LRRK2: variants seen among roughly 807,000 people sequenced by gnomAD.
LRRK2 encodes leucine rich repeat kinase 2, also known as leucine-rich repeat serine/threonine-protein kinase 2.
A neutral mutation model predicts 302.6 loss-of-function variants in LRRK2; 203 were observed. The ratio of observed to expected loss-of-function variants is 0.67; its 90% confidence interval spans 0.60 to 0.75. LRRK2 has a LOEUF of 0.75. Ranked by LOEUF, LRRK2 falls within the 30% of genes least tolerant of loss-of-function variation. The pLI is 0.00. For synonymous variants in LRRK2, 1,066 were observed against 1,031.9 expected, an observed-to-expected ratio of 1.03 and a Z score of -0.63; for missense variants, 2,830 against 2,951.0, an observed-to-expected ratio of 0.96 and a Z score of 0.95.
chr12:40,295,698 T>G, intron 23 of LRRK2, 54 bp downstream of exon 23: 1 of 1,512,404 alleles, frequency 6.6e-7, no homozygotes, highest in Non-Finnish European at 9.1e-7. Flanking sequence ...CTTTTGTATT[T>G]ATATCTAATT....
chr12:40,301,211 A>C (rs1311612479), intron 25 of LRRK2: 1 of 416,808 alleles, frequency 2.4e-6, no homozygotes, highest in Admixed American at 2.8e-5. Context: ...GAGCAGGACC[A>C]CTAACCATTA....
chr12:40,235,861 T>A lies in LRRK2; in HGVS notation c.436+147T>A, dbSNP rs1592140416. 7 of 629,252 alleles carry A rather than the reference T, an allele frequency of 1.1e-5. No individual in the cohort carries two copies. The East Asian group carries it at 1.9e-4, about 17-fold the overall frequency. 39.0% of individuals were successfully genotyped at this position (629,252 alleles called of 1,614,324 possible). A position where few individuals can be genotyped will look rare whatever the true frequency, so the allele number is the denominator to read the frequency against. ...GATTTAAATGTCCTAAAATTGCATC[T>A]GTTTTTAGACCTAGTGATGGGACAG... is the stretch of plus-strand genomic sequence containing the variant. On this transcript the variant is annotated intron_variant, in intron 4 of 50. Transcript: ENST00000298910.
At chr12:40,249,246 T>C (rs1055799614) in intron 7 of LRRK2, among the ~76,000 whole-genome samples, 1 of 152,136 alleles carries the variant, frequency 6.6e-6, no homozygotes, top group African/African-American at 2.4e-5. Context: ...GGATATCATA[T>C]TAATTCTCAG....
chr12:40,275,636 G>A (rs1260257539), intron 16 of LRRK2, among the ~76,000 whole-genome samples: 1 of 149,460 alleles, frequency 6.7e-6, no homozygotes, highest in Non-Finnish European at 1.5e-5. Context: ...TTTGGAGACA[G>A]GGTCTCACTC....
At chr12:40,302,207 A>C (rs1944656426) in intron 25 of LRRK2, among the ~76,000 whole-genome samples, 1 of 151,988 alleles carries the variant, frequency 6.6e-6, no homozygotes, top group African/African-American at 2.4e-5. Context: ...AAAATAATAA[A>C]AAATAAAAAA....
chr12:40,302,126 T>C (rs61915564), intron 25 of LRRK2, among the ~76,000 whole-genome samples: 1 of 151,982 alleles, frequency 6.6e-6, no homozygotes, highest in African/African-American at 2.4e-5. Flanking sequence ...TGCATTGAGC[T>C]GAGATCACGC....
chr12:40,263,512 G>A (rs1214905163), intron 13 of LRRK2, among the ~76,000 whole-genome samples: 2 of 152,098 alleles, frequency 1.3e-5, no homozygotes, highest in East Asian at 1.9e-4. Context: ...AAAAGTGATT[G>A]TTTGCTACAG....
chr12:40,273,645 A>G (rs1370368805), intron 14 of LRRK2, among the ~76,000 whole-genome samples: 3 of 152,138 alleles, frequency 2.0e-5, no homozygotes, highest in Admixed American at 1.3e-4. Context: ...ACGTCTTTGG[A>G]GTGGAGGTAC....
chr12:40,340,523 C>G, intron 41 of LRRK2, 69 bp downstream of exon 41: 1 of 1,522,336 alleles, frequency 6.6e-7, no homozygotes, highest in Non-Finnish European at 9.1e-7. Context: ...GATGTGAGTT[C>G]AGAAGAGTCA....
chr12:40,277,371 A>C (rs1224988468), intron 16 of LRRK2, among the ~76,000 whole-genome samples: 1 of 152,048 alleles, frequency 6.6e-6, no homozygotes, highest in East Asian at 1.9e-4. Context: ...TCTCAACTAC[A>C]CTCAACATAA....
In LRRK2 at chr12:40,284,042, T is replaced by C; in HGVS notation, c.2409T>C (p.Ile803=). The C allele has an allele frequency of 6.2e-7, 1 of 1,613,822 alleles. No homozygotes were observed. Among genetic ancestry groups the C allele is most frequent in the Non-Finnish European group, 8.5e-7 (1 of 1,179,784 alleles). Residue 803 remains isoleucine, a synonymous_variant, in exon 19 of 51, where the codon ATT becomes ATC. Coordinates refer to ENST00000298910, the MANE Select transcript of LRRK2 (RefSeq NM_198578.4). ...CCCTGGATGTGGCCAACAATAGCAT[T>C]TGCCTTGGAGGATTTTGTATAGGAA... The part of the protein sequence containing the change: ...RLALDVANNS[I]CLGGFCIGKV...
intron 20 of LRRK2, among the ~76,000 whole-genome samples, chr12:40,289,082 G>A (rs1944042404): frequency 6.6e-6 from 1 of 151,764 alleles, no homozygotes; most frequent in African/African-American, 2.4e-5. Context: ...GTTGATTTTT[G>A]TGTGTGGTGT....
intron 28 of LRRK2, among the ~76,000 whole-genome samples, chr12:40,307,884 C>T (rs757811339): frequency 8.1e-5 from 12 of 147,948 alleles, no homozygotes; most frequent in African/African-American, 1.5e-4. Context: ...TGGCTTCAGG[C>T]GATTCTCCTG....
chr12:40,328,059 C>G (rs953268976), intron 38 of LRRK2, among the ~76,000 whole-genome samples: 1 of 152,038 alleles, frequency 6.6e-6, no homozygotes, highest in Non-Finnish European at 1.5e-5. Flanking sequence ...TAGGAGGTGG[C>G]TATAAGTGAA....
chr12:40,319,971 T>C lies in LRRK2; in HGVS notation c.4828-17T>C. ...GAAAATAAATTTTAGTGATTATTTA[T>C]GACTCGAATCTTTCAGATTTTGACA... On this transcript the variant is annotated splice_polypyrimidine_tract_variant and intron_variant, in intron 33 of 50. Transcript: ENST00000298910. The C allele has an allele frequency of 6.3e-7, 1 of 1,599,826 alleles. No individual in the cohort carries two copies. Among genetic ancestry groups the C allele is most frequent in the South Asian group, 1.1e-5 (1 of 88,528 alleles).
At chr12:40,293,153 T>C (rs1219596738) in intron 20 of LRRK2, among the ~76,000 whole-genome samples, 1 of 152,050 alleles carries the variant, frequency 6.6e-6, no homozygotes, top group African/African-American at 2.4e-5. Context: ...AGTGATCAGA[T>C]TGCATACAAA....
chr12:40,257,193 T>A, intron 11 of LRRK2, 55 bp from the exon 12 acceptor site: 1 of 1,310,494 alleles, frequency 7.6e-7, no homozygotes. Context: ...AAGCTTATGG[T>A]AAAATTATGA....
rs555405283 is a variant in LRRK2, at chr12:40,304,331, T to A, written c.3777+197T>A. 1.6e-4 allele frequency: 98 copies of A among 601,732 alleles called. No homozygotes were observed. The South Asian group carries it at 2.1e-3, about 13-fold the overall frequency. 37.3% of individuals were successfully genotyped at this position (601,732 alleles called of 1,614,324 possible). On this transcript the variant is annotated intron_variant, in intron 27 of 50. Coordinates refer to ENST00000298910, the MANE Select transcript of LRRK2 (RefSeq NM_198578.4). Reference sequence around the variant, plus strand: ...AGAACAGCTACTAATGATGTGTCACTTAATTTAATTTCCATTCTCACACCG... The same window carrying A: ...AGAACAGCTACTAATGATGTGTCACATAATTTAATTTCCATTCTCACACCG...
Position 40,310,724 on chromosome 12 carries a change from G to T in LRRK2, c.4536+75G>T, listed in dbSNP as rs953037227. 7 of 1,434,050 alleles carry T rather than the reference G, an allele frequency of 4.9e-6. No individual in the cohort carries two copies. In the Admixed American group the frequency reaches 1.0e-4, roughly 21 times the overall value. 88.8% of individuals were successfully genotyped at this position (1,434,050 alleles called of 1,614,324 possible). ...CTAGAAATGTCAGAAATTTTGAGAA[G>T]TGAGCAACTCACTTAAAATTGTGGG... is the stretch of plus-strand genomic sequence containing the variant. On this transcript the variant is annotated intron_variant, in intron 31 of 50. Coordinates refer to ENST00000298910, the MANE Select transcript of LRRK2 (RefSeq NM_198578.4).
Sources: gnomAD v4.1 joint callset for allele counts (sites outside exome capture counted in the v4.1 genomes callset) on GRCh38, gnomAD v4.1.1 for gene constraint, MANE v1.5 for transcripts, NCBI Gene and HGNC (gene_info 2026-07-23, HGNC 2026-07-21) for gene names.